DIAPH2: variants seen among roughly 807,000 people sequenced by gnomAD.
DIAPH2 encodes diaphanous related formin 2.
Under a neutral mutation model 92.7 loss-of-function variants are expected in DIAPH2, and 35 were observed. That is an observed-to-expected ratio of 0.38 (90% CI 0.29 to 0.50). The LOEUF (loss-of-function observed/expected upper bound fraction) is 0.50. Among genes scored for constraint, DIAPH2 ranks in the 20% least tolerant of loss-of-function variants. The probability of loss-of-function intolerance (pLI) is 0.94; values close to 1 mark genes in which losing one functional copy is unlikely to be tolerated. For missense variants in DIAPH2, 701 were observed against 819.5 expected (o/e 0.86, Z 1.77); for synonymous variants, 301 against 280.4 (o/e 1.07, Z -0.73).
chrX:97,454,211 A>AGCAT (rs374264526), intron 26 of DIAPH2, among the ~76,000 whole-genome samples: 2,745 of 111,402 alleles, frequency 0.025, 86 homozygotes, highest in African/African-American at 0.085. Flanking sequence ...AATGGGAAAC[A>AGCAT]GCATACATAC....
At chrX:97,233,084 A>G (rs2068021140) in intron 22 of DIAPH2, among the ~76,000 whole-genome samples, 1 of 112,095 alleles carries the variant, frequency 8.9e-6, no homozygotes, top group Non-Finnish European at 1.9e-5. Flanking sequence ...CCCTACAATA[A>G]AGCTCCATGG....
At chrX:97,060,731 CTT>C (rs765636632) in intron 17 of DIAPH2, among the ~76,000 whole-genome samples, 2 of 112,121 alleles carry the variant, frequency 1.8e-5, no homozygotes, top group African/African-American at 3.2e-5. Context: ...AATGACTAGT[CTT>C]ATGTTTTTGT....
chrX:97,297,572 G>C, intron 23 of DIAPH2, among the ~76,000 whole-genome samples: 1 of 103,088 alleles, frequency 9.7e-6, no homozygotes, highest in Non-Finnish European at 2.0e-5. Context: ...AAACGCCTCT[G>C]CCAGTTTATT....
At chrX:97,544,093 G>A (rs190582870) in intron 26 of DIAPH2, among the ~76,000 whole-genome samples, 1 of 111,366 alleles carries the variant, frequency 9.0e-6, no homozygotes, top group African/African-American at 3.3e-5. Context: ...ATTGCTTCAT[G>A]TTATACTTAT....
intron 22 of DIAPH2, among the ~76,000 whole-genome samples, chrX:97,198,265 T>TACACACACACACACACACACACACACAC (rs200339851): frequency 2.2e-5 from 2 of 89,042 alleles, no homozygotes; most frequent in African/African-American, 8.9e-5. Context: ...AACAACAAAA[T>TACACACACACACACACACACACACACAC]ACACACACAC....
chrX:97,261,074 T>C (rs2068284478), intron 23 of DIAPH2, among the ~76,000 whole-genome samples: 1 of 112,562 alleles, frequency 8.9e-6, no homozygotes, highest in South Asian at 3.6e-4. Context: ...TACCAAAAGA[T>C]CTAGTTTTTG....
At chrX:97,186,739 A>G (rs917248525) in intron 22 of DIAPH2, among the ~76,000 whole-genome samples, 1 of 112,078 alleles carries the variant, frequency 8.9e-6, no homozygotes, top group African/African-American at 3.2e-5. Flanking sequence ...ACTGGCTTGC[A>G]TACTACAGGA....
chrX:96,884,066 T>A (rs2065239232), intron 5 of DIAPH2: 2 of 348,875 alleles, frequency 5.7e-6, no homozygotes, highest in Non-Finnish European at 1.0e-5. Context: ...GGAAGGATTA[T>A]GCGATCAGGT....
intron 15 of DIAPH2, chrX:96,954,155 A>G (rs1241106042): frequency 8.9e-6 from 1 of 112,109 alleles, no homozygotes; most frequent in Non-Finnish European, 1.9e-5. Context: ...GACAGCTGTC[A>G]CTGCAGTGAC....
intron 4 of DIAPH2, among the ~76,000 whole-genome samples, chrX:96,820,940 A>G (rs1459456868): frequency 8.9e-6 from 1 of 112,329 alleles, no homozygotes; most frequent in African/African-American, 3.2e-5. Context: ...TGAAGAAACC[A>G]GCCACATGAA....
At chrX:97,476,331 C>T (rs766981579) in intron 26 of DIAPH2, among the ~76,000 whole-genome samples, 23 of 112,002 alleles carry the variant, frequency 2.1e-4, no homozygotes, top group African/African-American at 6.5e-4. Context: ...ACTTAAGCCA[C>T]TCCCCAGCCA....
intron 23 of DIAPH2, among the ~76,000 whole-genome samples, chrX:97,321,906 C>T (rs2068901578): frequency 8.9e-6 from 1 of 112,016 alleles, no homozygotes; most frequent in Non-Finnish European, 1.9e-5. Flanking sequence ...CCAATTTTGG[C>T]TGAGAATCAT....
At chrX:96,903,159 C>A (rs923731649) in intron 5 of DIAPH2, among the ~76,000 whole-genome samples, 7 of 108,829 alleles carry the variant, frequency 6.4e-5, no homozygotes, top group South Asian at 7.9e-4. Context: ...TCACCAATTT[C>A]TCTGCTGCCC....
chrX:97,131,310 C>A (rs891199653), intron 21 of DIAPH2, among the ~76,000 whole-genome samples: 4 of 111,194 alleles, frequency 3.6e-5, no homozygotes, highest in African/African-American at 1.3e-4. Flanking sequence ...TGGTTAAATA[C>A]CTCACTCTTA....
intron 20 of DIAPH2, among the ~76,000 whole-genome samples, chrX:97,113,312 T>C (rs509710): frequency 0.043 from 4,855 of 111,668 alleles, 261 homozygotes; most frequent in African/African-American, 0.15. Context: ...TTTTCAAGGT[T>C]CTATGTTGAG....
intron 26 of DIAPH2, among the ~76,000 whole-genome samples, chrX:97,515,082 G>A (rs1426684960): frequency 1.8e-5 from 2 of 111,840 alleles, no homozygotes; most frequent in Non-Finnish European, 3.8e-5. Context: ...AGCAAGCCTG[G>A]GCAATGGTGG....
At chrX:97,218,768 T>C (rs964053770) in intron 22 of DIAPH2, among the ~76,000 whole-genome samples, 1 of 112,125 alleles carries the variant, frequency 8.9e-6, no homozygotes, top group Non-Finnish European at 1.9e-5. Context: ...TCGACATCTG[T>C]AGGTTACTTA....
At chrX:96,977,273 G>A (rs995090965) in intron 17 of DIAPH2, among the ~76,000 whole-genome samples, 2 of 111,846 alleles carry the variant, frequency 1.8e-5, no homozygotes, top group East Asian at 5.6e-4. Context: ...AAGAAATAAG[G>A]TTCTTTCTAT....
intron 22 of DIAPH2, among the ~76,000 whole-genome samples, chrX:97,194,368 G>A (rs1236260691): frequency 1.9e-5 from 2 of 106,134 alleles, no homozygotes; most frequent in Non-Finnish European, 3.9e-5. Context: ...TGCACGCTCC[G>A]CCTCCCGGGT....
Sources: allele counts gnomAD v4.1 joint callset (sites outside exome capture counted in the v4.1 genomes callset), GRCh38; gene constraint gnomAD v4.1.1; transcripts MANE v1.5; gene names NCBI Gene and HGNC (gene_info 2026-07-23, HGNC 2026-07-21).